The following IPO8 variants were observed in gnomAD, a reference collection of about 807,000 sequenced individuals.
IPO8 encodes the protein importin-8.
Under a neutral mutation model 141.2 loss-of-function variants are expected in IPO8, and 65 were observed. The observed-to-expected ratio is 0.46, with a 90% confidence interval of 0.38 to 0.57. The LOEUF (loss-of-function observed/expected upper bound fraction) is 0.57, where lower values mean the gene tolerates loss of function less well. Among genes scored for constraint, IPO8 ranks in the 20% least tolerant of loss-of-function variants. IPO8 has a pLI of 0.00. For missense variants in IPO8, 980 were observed against 1,246.8 expected, an observed-to-expected ratio of 0.79 and a Z score of 3.22; for synonymous variants, 411 against 420.3, an observed-to-expected ratio of 0.98 and a Z score of 0.27.
intron 5 of IPO8, 126 bp downstream of exon 5, chr12:30,680,356 T>A: frequency 1.5e-6 from 1 of 688,206 alleles, no homozygotes; most frequent in East Asian, 3.1e-5. Flanking sequence ...CTCATAAGCA[T>A]TTTTTAAAGA....
intron 9 of IPO8, 64 bp from the exon 10 acceptor site, chr12:30,669,346 T>A: frequency 1.4e-6 from 1 of 717,650 alleles, no homozygotes; most frequent in Non-Finnish European, 2.3e-6. Context: ...TGAGGAATAC[T>A]AATAATGTAC....
chr12:30,685,918 A>C (rs2136173669), intron 2 of IPO8, among the ~76,000 whole-genome samples: 1 of 151,986 alleles, frequency 6.6e-6, no homozygotes, highest in South Asian at 2.1e-4. Context: ...AAAAAAAAAA[A>C]AACTAAATTG....
intron 3 of IPO8, among the ~76,000 whole-genome samples, chr12:30,682,079 T>A (rs2053194802): frequency 6.6e-6 from 1 of 152,190 alleles, no homozygotes; most frequent in Non-Finnish European, 1.5e-5. Flanking sequence ...AAAAATTGTT[T>A]TAAATAGTTT....
In IPO8 at chr12:30,630,609, T is replaced by C. The variant is rs1184356547; in HGVS notation, c.*251A>G. The C allele has an allele frequency of 2.4e-5, 11 of 458,412 alleles. No individual in the cohort carries two copies. In the East Asian group the frequency reaches 3.7e-4, roughly 15 times the overall value. The allele number at this position is 458,412 out of a possible 1,614,324, so 28.4% of individuals were successfully genotyped here. On this transcript the variant is annotated 3_prime_UTR_variant, in exon 25 of 25. Transcript: ENST00000256079. ...TTGGGCATTCAGCCTTTGGAACATA[T>C]GGGTTGTCCTTTTCCGTCCAATGAT...
At chr12:30,648,958 T>C (rs969352234) in intron 20 of IPO8, among the ~76,000 whole-genome samples, 179 bp downstream of exon 20, 1 of 152,162 alleles carries the variant, frequency 6.6e-6, no homozygotes, top group East Asian at 1.9e-4. Context: ...TCAGCTACAA[T>C]GCAAGGTACG....
At position 30,693,108 on chromosome 12, in the gene IPO8, T is replaced by C. The variant is rs138232778; in HGVS notation, c.84+2456A>G. On this transcript the variant is annotated intron_variant, in intron 1 of 24. Coordinates refer to ENST00000256079, the MANE Select transcript of IPO8 (RefSeq NM_006390.4). ...GCTTGGCAATCAAAGTAAAAACTTA[T>C]TTCCCTACCGAGGCCATGTGAAGGA... Among the ~76,000 whole-genome samples, 645 of 152,294 alleles carry C rather than the reference T, an allele frequency of 4.2e-3. 5 individuals are homozygous for C. The highest frequency in any genetic ancestry group is 0.014 in the African/African-American group (596 of 41,552).
chr12:30,653,950 T>G (rs977444609), intron 17 of IPO8, among the ~76,000 whole-genome samples: 1 of 151,952 alleles, frequency 6.6e-6, no homozygotes, highest in Non-Finnish European at 1.5e-5. Flanking sequence ...AAAAATAAAT[T>G]ATCTAAATAT....
At chr12:30,692,574 A>C (rs1027083364) in intron 1 of IPO8, among the ~76,000 whole-genome samples, 2 of 152,240 alleles carry the variant, frequency 1.3e-5, no homozygotes, top group African/African-American at 4.8e-5. Context: ...TTTTCTGCAA[A>C]TACGCAGTTT....
chr12:30,680,302 G>A, intron 5 of IPO8, 180 bp downstream of exon 5: 1 of 507,654 alleles, frequency 2.0e-6, no homozygotes, highest in Non-Finnish European at 3.4e-6. Context: ...GGGCAGATAT[G>A]CCATTGAGAC....
intron 3 of IPO8, among the ~76,000 whole-genome samples, chr12:30,682,328 T>G (rs2053197388): frequency 6.6e-6 from 1 of 152,162 alleles, no homozygotes; most frequent in South Asian, 2.1e-4. Context: ...CATCGTATGT[T>G]GAATCTATCC....
intron 9 of IPO8, 31 bp downstream of exon 9, chr12:30,670,931 T>C: frequency 1.3e-6 from 2 of 1,586,812 alleles, no homozygotes; most frequent in Non-Finnish European, 1.7e-6. Context: ...AACCAGAGAA[T>C]AATTTTGGAG....
intron 16 of IPO8, among the ~76,000 whole-genome samples, chr12:30,657,933 A>G (rs1405979520): frequency 2.6e-5 from 4 of 152,200 alleles, no homozygotes; most frequent in Admixed American, 2.6e-4. Flanking sequence ...AGCTGCTTCC[A>G]GAGAGGAGAA....
intron 1 of IPO8, among the ~76,000 whole-genome samples, chr12:30,691,273 G>A (rs566774141): frequency 6.6e-6 from 1 of 152,326 alleles, no homozygotes; most frequent in South Asian, 2.1e-4. Flanking sequence ...AGAGAAGCCA[G>A]TCCAGATTGG....
Position 30,652,257 on chromosome 12 carries a change from T to C in IPO8, c.2107A>G (p.Ile703Val), listed in dbSNP as rs766942107. The part of the protein sequence containing the change: ...MMPLLHNYVT[I>V]DTDTLLSNAK... ...TTTGATAGTAAGGTATCTGTATCTA[T>C]TGTCACATAATTATGCAGGAGAGGC... is the stretch of plus-strand genomic sequence containing the variant. The change falls in exon 19 of 25, where the codon ATA (isoleucine) becomes GTA (valine). Residue 703 changes from isoleucine (I) to valine (V), a missense_variant. Physicochemically the swap from Ile to Val is conservative, Grantham distance 29 (BLOSUM62 3). Around this residue, in one of 3 missense-constraint regions of IPO8, gnomAD observed 924 missense variants for 1,153.9 expected, o/e 0.80. Transcript: ENST00000256079. 8.7e-6 allele frequency: 14 copies of C among 1,604,838 alleles called. No homozygotes were observed. The highest frequency in any genetic ancestry group is 6.7e-5 in the East Asian group (3 of 44,720).
chr12:30,674,311 G>T (rs576843176), intron 7 of IPO8, among the ~76,000 whole-genome samples: 3 of 152,036 alleles, frequency 2.0e-5, no homozygotes, highest in East Asian at 1.9e-4. Context: ...GCTCCTAAAG[G>T]GTGAATATTG....
intron 14 of IPO8, among the ~76,000 whole-genome samples, chr12:30,662,908 C>T (rs79243858): frequency 0.021 from 3,269 of 152,268 alleles, 101 homozygotes; most frequent in African/African-American, 0.074. Flanking sequence ...ACCACCCTCC[C>T]TTGCCATGTG....
In IPO8 at chr12:30,661,831, T is replaced by C. The variant is rs181518086; in HGVS notation, c.1755+496A>G. ...AATTAAAACTTTAGAAAGCACATAT[T>C]ATAAAATTTCAGAATATTCTAGATG... On this transcript the variant is annotated intron_variant, in intron 15 of 24. Transcript: ENST00000256079. 7.9e-5 allele frequency among the ~76,000 whole-genome samples: 12 copies of C among 152,310 alleles called. No homozygotes were observed. In the East Asian group the frequency reaches 2.3e-3, roughly 29 times the overall value.
chr12:30,637,264 G>T (rs2052516127), intron 21 of IPO8, 77 bp from the exon 22 acceptor site: 10 of 1,101,432 alleles, frequency 9.1e-6, no homozygotes, highest in Non-Finnish European at 1.4e-5. Context: ...ACTACAAAAA[G>T]AAATGTCCAA....
At chr12:30,662,246 A>G in intron 15 of IPO8, 81 bp downstream of exon 15, 6 of 1,131,924 alleles carry the variant, frequency 5.3e-6, no homozygotes, top group Non-Finnish European at 6.4e-6. Flanking sequence ...TGTACAAATA[A>G]AACTGAACTC....
Sources: gnomAD v4.1 joint callset for allele counts (sites outside exome capture counted in the v4.1 genomes callset) on GRCh38, gnomAD v4.1.1 for gene constraint, gnomAD v4.1.1 regional missense constraint, MANE v1.5 for transcripts, NCBI Gene and HGNC (gene_info 2026-07-23, HGNC 2026-07-21) for gene names.